Variants in MACROD2 observed in about 807,000 individuals in gnomAD.
MACROD2 encodes mono-ADP ribosylhydrolase 2, also known as ADP-ribose glycohydrolase MACROD2.
In MACROD2, 36 loss-of-function variants were observed where a neutral mutation model predicts 70.4. The ratio of observed to expected loss-of-function variants is 0.51; its 90% CI spans 0.39 to 0.68. The LOEUF is 0.68. MACROD2 is among the 30% of genes least tolerant of loss of function. The pLI is 0.00. For synonymous variants in MACROD2, 172 were observed against 178.8 expected, an observed-to-expected ratio of 0.96 and a Z score of 0.30; for missense variants, 496 against 538.4, an observed-to-expected ratio of 0.92 and a Z score of 0.78.
chr20:14,970,129 G>A (rs971548616), intron 5 of MACROD2, among the ~76,000 whole-genome samples: 1 of 152,120 alleles, frequency 6.6e-6, no homozygotes, highest in African/African-American at 2.4e-5. Flanking sequence ...ATAGCAGAAG[G>A]CACCTCTTCA....
intron 8 of MACROD2, among the ~76,000 whole-genome samples, chr20:15,621,696 C>T (rs976206901): frequency 2.0e-5 from 3 of 152,150 alleles, no homozygotes; most frequent in Admixed American, 6.5e-5. Flanking sequence ...TAGAGTAGTG[C>T]TGTTTTGGAC....
At chr20:15,012,187 G>A (rs534154894) in intron 5 of MACROD2, among the ~76,000 whole-genome samples, 77 of 152,180 alleles carry the variant, frequency 5.1e-4, no homozygotes, top group African/African-American at 1.7e-3. Flanking sequence ...ACTAAACAAA[G>A]AAAACACCAA....
intron 5 of MACROD2, among the ~76,000 whole-genome samples, chr20:14,806,811 A>C (rs1013745275): frequency 6.6e-6 from 1 of 152,064 alleles, no homozygotes; most frequent in Admixed American, 6.6e-5. Context: ...TCACACTGTA[A>C]ACAAAGCTGC....
intron 8 of MACROD2, among the ~76,000 whole-genome samples, chr20:15,776,635 A>G (rs1250597260): frequency 6.6e-6 from 1 of 152,210 alleles, no homozygotes; most frequent in East Asian, 1.9e-4. Flanking sequence ...TACTCTTAGT[A>G]CACACACCTG....
chr20:15,390,264 A>G (rs1431731499), intron 6 of MACROD2, among the ~76,000 whole-genome samples: 1 of 152,188 alleles, frequency 6.6e-6, no homozygotes, highest in Admixed American at 6.5e-5. Context: ...TTAAGGTCCC[A>G]GGTCAATGTC....
At chr20:15,544,261 A>C (rs2047998029) in intron 8 of MACROD2, among the ~76,000 whole-genome samples, 1 of 152,226 alleles carries the variant, frequency 6.6e-6, no homozygotes, top group Non-Finnish European at 1.5e-5. Flanking sequence ...TAATAATAAT[A>C]GCACAGCAGA....
At chr20:15,779,098 C>CT (rs146224785) in intron 8 of MACROD2, among the ~76,000 whole-genome samples, 4,667 of 152,156 alleles carry the variant, frequency 0.031, 341 homozygotes, top group East Asian at 0.29. Flanking sequence ...AGCTGGTCCT[C>CT]TAACTATCAT....
At chr20:15,447,848 A>T (rs187077693) in intron 7 of MACROD2, among the ~76,000 whole-genome samples, 1 of 152,236 alleles carries the variant, frequency 6.6e-6, no homozygotes, top group African/African-American at 2.4e-5. Context: ...ACTCATGGTA[A>T]GAGATAGTGG....
At chr20:14,179,883 A>G (rs2081292656) in intron 3 of MACROD2, among the ~76,000 whole-genome samples, 1 of 152,188 alleles carries the variant, frequency 6.6e-6, no homozygotes, top group Admixed American at 6.5e-5. Flanking sequence ...ATTAGTGTAA[A>G]ATTAGAAATT....
chr20:15,777,053 A>G (rs2051733222), intron 8 of MACROD2, among the ~76,000 whole-genome samples: 1 of 152,178 alleles, frequency 6.6e-6, no homozygotes, highest in Non-Finnish European at 1.5e-5. Context: ...ATTCAATGCT[A>G]GATTCTATAA....
chr20:15,209,285 A>G (rs762196036), intron 5 of MACROD2, among the ~76,000 whole-genome samples: 24 of 151,954 alleles, frequency 1.6e-4, no homozygotes, highest in Non-Finnish European at 2.5e-4. Flanking sequence ...TTCACCTTTC[A>G]GAGTCTTCTT....
chr20:15,100,304 CTTATGATATTTT>C (rs2075862577), intron 5 of MACROD2, among the ~76,000 whole-genome samples: 3 of 59,030 alleles, frequency 5.1e-5, no homozygotes, highest in African/African-American at 2.8e-4. Context: ...GCATTTTTGA[CTTATGATATTTT>C]TGACTTATGA....
chr20:15,268,251 G>GA (rs931078610), intron 6 of MACROD2, among the ~76,000 whole-genome samples: 14 of 152,034 alleles, frequency 9.2e-5, no homozygotes, highest in African/African-American at 3.4e-4. Flanking sequence ...TTGTAGCAGA[G>GA]AAAAAAAGAA....
intron 5 of MACROD2, among the ~76,000 whole-genome samples, chr20:14,958,787 A>G (rs755025202): frequency 2.6e-5 from 4 of 152,152 alleles, no homozygotes; most frequent in East Asian, 1.9e-4. Context: ...AGAGTCACCT[A>G]TAGGGCTTGT....
intron 4 of MACROD2, among the ~76,000 whole-genome samples, chr20:14,666,596 AAC>A (rs1269698550): frequency 6.6e-6 from 1 of 152,060 alleles, no homozygotes; most frequent in Non-Finnish European, 1.5e-5. Flanking sequence ...TATTTTTTAA[AAC>A]AGAGATTTCA....
At chr20:14,721,057 C>T (rs949314902) in intron 5 of MACROD2, among the ~76,000 whole-genome samples, 1 of 151,746 alleles carries the variant, frequency 6.6e-6, no homozygotes, top group Non-Finnish European at 1.5e-5. Context: ...GAGTTAGCGA[C>T]CAGCCTGGGC....
intron 4 of MACROD2, among the ~76,000 whole-genome samples, chr20:14,667,662 A>T (rs1349743116): frequency 6.6e-6 from 1 of 152,154 alleles, no homozygotes; most frequent in African/African-American, 2.4e-5. Flanking sequence ...CTGCTGGGTA[A>T]AAAGAAAATA....
chr20:14,179,409 C>T (rs1379181500), intron 3 of MACROD2, among the ~76,000 whole-genome samples: 1 of 152,054 alleles, frequency 6.6e-6, no homozygotes, highest in East Asian at 1.9e-4. Context: ...TTCTTGTGCC[C>T]TTGCTAAGTT....
intron 8 of MACROD2, among the ~76,000 whole-genome samples, chr20:15,689,578 C>T (rs2050273169): frequency 6.6e-6 from 1 of 152,090 alleles, no homozygotes; most frequent in South Asian, 2.1e-4. Flanking sequence ...GGGAAGCATT[C>T]AGGCAAAGAA....
Sources: allele counts gnomAD v4.1 joint callset (sites outside exome capture counted in the v4.1 genomes callset), GRCh38; gene constraint gnomAD v4.1.1; transcripts MANE v1.5; gene names NCBI Gene and HGNC (gene_info 2026-07-23, HGNC 2026-07-21).